The following CYFIP2 variants were observed in gnomAD, a reference collection of about 807,000 sequenced individuals.
CYFIP2 encodes cytoplasmic FMR1-interacting protein 2.
Under a neutral mutation model 158.7 loss-of-function variants are expected in CYFIP2, and 29 were observed. The ratio of observed to expected loss-of-function variants is 0.18; its 90% CI spans 0.14 to 0.25. The LOEUF (loss-of-function observed/expected upper bound fraction) is 0.25, where lower values mean the gene tolerates loss of function less well. CYFIP2 is among the 10% of genes least tolerant of loss of function. CYFIP2 has a pLI of 1.00. For missense variants in CYFIP2, 852 were observed against 1,639.5 expected (o/e 0.52, Z 8.29); for synonymous variants, 585 against 617.6 (o/e 0.95, Z 0.78).
At chr5:157,383,581 C>A (rs1251276958) in intron 28 of CYFIP2, 4 of 458,684 alleles carry the variant, frequency 8.7e-6, no homozygotes, top group Non-Finnish European at 1.6e-5. Context: ...ATCATGTATC[C>A]TGCCAACAAG....
At chr5:157,268,936 C>G (rs1477272283) in intron 1 of CYFIP2, among the ~76,000 whole-genome samples, 2 of 152,184 alleles carry the variant, frequency 1.3e-5, no homozygotes, top group Non-Finnish European at 2.9e-5. Flanking sequence ...TCTTTGGATG[C>G]TCTTACTACC....
intron 15 of CYFIP2, chr5:157,322,816 C>T (rs771046447): frequency 2.3e-5 from 23 of 982,130 alleles, no homozygotes; most frequent in African/African-American, 8.1e-5. Context: ...CCGGCAGTCG[C>T]GGCGGCTTTC....
Position 157,304,323 on chromosome 5 carries a change from A to T in CYFIP2, c.752A>T (p.Asn251Ile). The T allele has an allele frequency of 6.2e-7, 1 of 1,614,032 alleles. No individual in the cohort carries two copies. The highest frequency in any genetic ancestry group is 8.5e-7 in the Non-Finnish European group (1 of 1,179,894). Residue 251 changes from asparagine to isoleucine, a missense_variant, in exon 8 of 31, where the codon AAC (asparagine) becomes ATC (isoleucine). Around this residue, in one of 8 missense-constraint regions of CYFIP2, gnomAD observed 133 missense variants for 197.1 expected, o/e 0.67. Transcript: ENST00000620254. Reference protein sequence around the residue: ...IVNICVDYYENKMYLTPSEKH... With the variant: ...IVNICVDYYEIKMYLTPSEKH... ...AACATCTGTGTGGATTACTACGAGAACAAGATGTACCTGACTCCCAGTGAG... is the reference window on the plus strand; with the variant it reads ...AACATCTGTGTGGATTACTACGAGATCAAGATGTACCTGACTCCCAGTGAG...
intron 24 of CYFIP2, among the ~76,000 whole-genome samples, chr5:157,359,600 C>T (rs1306494636): frequency 6.6e-6 from 1 of 152,212 alleles, no homozygotes; most frequent in Non-Finnish European, 1.5e-5. Flanking sequence ...CTGAACACTG[C>T]TCCCCATACT....
At chr5:157,382,894 A>G (rs1368864999) in intron 27 of CYFIP2, among the ~76,000 whole-genome samples, 1 of 152,188 alleles carries the variant, frequency 6.6e-6, no homozygotes, top group Non-Finnish European at 1.5e-5. Context: ...TGATTCTGTC[A>G]TTCATTCAAA....
chr5:157,387,528 G>C (rs963055185), intron 28 of CYFIP2, among the ~76,000 whole-genome samples: 1 of 152,208 alleles, frequency 6.6e-6, no homozygotes, highest in Non-Finnish European at 1.5e-5. Flanking sequence ...TTCATGGCTT[G>C]AGAACAAATT....
chr5:157,333,214 C>A, intron 20 of CYFIP2, 113 bp from the exon 21 acceptor site: 1 of 1,372,396 alleles, frequency 7.3e-7, no homozygotes, highest in Non-Finnish European at 1.0e-6. Context: ...CCCCTCCCAC[C>A]TGGCAGTCTC....
chr5:157,272,726 C>T (rs982622174), intron 1 of CYFIP2, among the ~76,000 whole-genome samples: 2 of 152,122 alleles, frequency 1.3e-5, no homozygotes, highest in Non-Finnish European at 2.9e-5. Context: ...TAACCTAAAT[C>T]AGGTTTAAAG....
At chr5:157,287,542 G>T (rs564238485) in intron 3 of CYFIP2, among the ~76,000 whole-genome samples, 1 of 152,296 alleles carries the variant, frequency 6.6e-6, no homozygotes, top group African/African-American at 2.4e-5. Flanking sequence ...TAAATCATTT[G>T]CAAATAGGGC....
chr5:157,360,470 C>T (rs1299252736), intron 25 of CYFIP2, 98 bp downstream of exon 25: 2 of 987,714 alleles, frequency 2.0e-6, no homozygotes, highest in African/African-American at 1.6e-5. Context: ...TGCCAGTGAG[C>T]TGGCAGAGTA....
At chr5:157,355,590 C>T (rs1046908697) in intron 23 of CYFIP2, among the ~76,000 whole-genome samples, 8 of 152,138 alleles carry the variant, frequency 5.3e-5, no homozygotes, top group African/African-American at 1.9e-4. Context: ...TGTGCCCACC[C>T]CAAAGCCCAT....
Position 157,311,226 on chromosome 5 carries a change from G to T in CYFIP2, c.993-438G>T. On this transcript the variant is annotated intron_variant, in intron 10 of 30. Coordinates refer to ENST00000620254, the MANE Select transcript of CYFIP2 (RefSeq NM_001037333.3). The surrounding 1 kb of genome is among the most constrained non-coding windows in gnomAD (Gnocchi z 4.7). ...GAGGCACAGTCACATTCATATTTCC[G>T]CAATCCCAGCCCAAAGGCCCCCCAA... The T allele has an allele frequency of 2.6e-6, 1 of 388,000 alleles. No individual in the cohort carries two copies. The highest frequency in any genetic ancestry group is 5.1e-6 in the Non-Finnish European group (1 of 194,406). 24.0% of individuals were successfully genotyped at this position (388,000 alleles called of 1,614,324 possible).
chr5:157,374,420 G>T (rs1765272888), intron 26 of CYFIP2, among the ~76,000 whole-genome samples: 1 of 152,080 alleles, frequency 6.6e-6, no homozygotes, highest in South Asian at 2.1e-4. Context: ...ATGCCCTTGG[G>T]TACTACACTT....
intron 23 of CYFIP2, among the ~76,000 whole-genome samples, chr5:157,353,028 T>C (rs1302101326): frequency 6.6e-6 from 1 of 152,172 alleles, no homozygotes; most frequent in Non-Finnish European, 1.5e-5. Context: ...CTGGAGGGAA[T>C]GTGGCCCTGC....
In CYFIP2 at chr5:157,311,089, G is replaced by A. The variant is rs776960510; in HGVS notation, c.993-575G>A. 1 of 454,302 alleles carries A rather than the reference G, an allele frequency of 2.2e-6. No individual in the cohort carries two copies. The highest frequency in any genetic ancestry group is 1.6e-5 in the South Asian group (1 of 64,478). The allele number at this position is 454,302 out of a possible 1,614,324, so 28.1% of individuals were successfully genotyped here. A position where few individuals can be genotyped will look rare whatever the true frequency, so the allele number is the denominator to read the frequency against. On this transcript the variant is annotated intron_variant, in intron 10 of 30. Coordinates refer to ENST00000620254, the MANE Select transcript of CYFIP2 (RefSeq NM_001037333.3). This position sits in a 1 kb window ranked among gnomAD's most constrained non-coding sequence, Gnocchi z 4.7. ...AGGGTGGAAAGAGAAGGAGAGAAGG[G>A]GGCGAGAGGTAGAGGGGGTGGGTGG... is the stretch of plus-strand genomic sequence containing the variant.
chr5:157,323,844 A>G lies in CYFIP2; in HGVS notation c.1672-77A>G, dbSNP rs1284140719. On this transcript the variant is annotated intron_variant, in intron 15 of 30. Coordinates refer to ENST00000620254, the MANE Select transcript of CYFIP2 (RefSeq NM_001037333.3). Reference sequence around the variant, plus strand: ...ATCTGCAGAAAAAAAAAAATACATAAATACAACATGAAGCAACCTTTTTCC... The same window carrying G: ...ATCTGCAGAAAAAAAAAAATACATAGATACAACATGAAGCAACCTTTTTCC... The G allele has an allele frequency of 2.1e-6, 3 of 1,408,404 alleles. No homozygotes were observed. In the African/African-American group the frequency reaches 4.3e-5, roughly 20 times the overall value. 87.2% of individuals were successfully genotyped at this position (1,408,404 alleles called of 1,614,324 possible).
At chr5:157,378,113 G>C (rs1388239486) in intron 26 of CYFIP2, among the ~76,000 whole-genome samples, 1 of 152,212 alleles carries the variant, frequency 6.6e-6, no homozygotes, top group Non-Finnish European at 1.5e-5. Flanking sequence ...GTGGGGGTAA[G>C]AGGGTCAGGG....
chr5:157,353,985 C>T (rs554956075), intron 23 of CYFIP2, among the ~76,000 whole-genome samples: 3 of 152,282 alleles, frequency 2.0e-5, no homozygotes, highest in Admixed American at 1.3e-4. Context: ...CTGTATACAA[C>T]ATTTAAACAT....
Position 157,314,091 on chromosome 5 carries a change from A to T in CYFIP2, c.1111-253A>T, listed in dbSNP as rs567885829. ...GAATAAAAGAAAAACATATTGGTGC[A>T]TACATAAATTTAATATCTCTATGTA... On this transcript the variant is annotated intron_variant, in intron 11 of 30. Coordinates refer to ENST00000620254, the MANE Select transcript of CYFIP2 (RefSeq NM_001037333.3). Among the ~76,000 whole-genome samples the T allele has an allele frequency of 4.6e-5, 7 of 152,290 alleles. No individual in the cohort carries two copies. The South Asian group carries it at 1.5e-3, about 32-fold the overall frequency.
Sources: gnomAD v4.1 joint callset for allele counts (sites outside exome capture counted in the v4.1 genomes callset) on GRCh38, gnomAD v4.1.1 for gene constraint, gnomAD v4.1.1 regional missense constraint, Gnocchi (gnomAD v3.1) non-coding constraint, MANE v1.5 for transcripts, NCBI Gene and HGNC (gene_info 2026-07-23, HGNC 2026-07-21) for gene names.